The following TIA1 variants were observed in gnomAD, a reference collection of about 807,000 sequenced individuals.
TIA1 encodes cytotoxic granule associated RNA binding protein TIA1.
In TIA1, 23 loss-of-function variants were observed where a neutral mutation model predicts 65.9. The ratio of observed to expected loss-of-function variants is 0.35; its 90% CI spans 0.25 to 0.49. The LOEUF is 0.49. Among genes scored for constraint, TIA1 ranks in the 20% least tolerant of loss-of-function variants. The probability of loss-of-function intolerance (pLI) is 0.98; values close to 1 mark genes in which losing one functional copy is unlikely to be tolerated. For synonymous variants in TIA1, 147 were observed against 149.4 expected (o/e 0.98, Z 0.12); for missense variants, 371 against 477.9 (o/e 0.78, Z 2.09).
chr2:70,216,712 AAAT>A, intron 8 of TIA1, 171 bp downstream of exon 8: 1 of 1,497,834 alleles, frequency 6.7e-7, no homozygotes, highest in East Asian at 2.5e-5. Context: ...TTGACATTAG[AAAT>A]AATATTATTT....
chr2:70,236,771 C>G (rs1004708852), intron 1 of TIA1, among the ~76,000 whole-genome samples: 2 of 152,254 alleles, frequency 1.3e-5, no homozygotes, highest in African/African-American at 4.8e-5. Flanking sequence ...GGACCACAGG[C>G]GTGTGCCATC....
chr2:70,232,220 AAAAAAGAAAAAAG>A (rs1558876616), intron 2 of TIA1, among the ~76,000 whole-genome samples: 10 of 146,824 alleles, frequency 6.8e-5, no homozygotes, highest in Non-Finnish European at 1.2e-4. Flanking sequence ...AAAAAAAAAA[AAAAAAGAAAAAAG>A]AAAAAAGAAA....
upstream of TIA1, chr2:70,248,655 A>G: frequency 1.6e-6 from 1 of 617,144 alleles, no homozygotes; most frequent in African/African-American, 1.8e-5. Context: ...AGCAGCCAGC[A>G]AAGTTACCCG....
In TIA1 at chr2:70,248,407, A is replaced by G. The variant is rs1695471662; in HGVS notation, c.24T>C (p.Thr8=). The G allele has an allele frequency of 2.5e-6, 4 of 1,600,108 alleles. No individual in the cohort carries two copies. Among genetic ancestry groups the G allele is most frequent in the Non-Finnish European group, 3.4e-6 (4 of 1,179,778 alleles). MEDEMPK[T]LYVGNLSRDV... Reference sequence around the variant, plus strand: ...CCTCATCGCTGCCCCAGACTCACAGAGTCTTGGGCATCTCGTCCTCCATGG... The same window carrying G: ...CCTCATCGCTGCCCCAGACTCACAGGGTCTTGGGCATCTCGTCCTCCATGG... The change falls in exon 1 of 13, where the codon ACT becomes ACC. Residue 8 remains threonine, a splice_region_variant and synonymous_variant. Transcript: ENST00000433529.
chr2:70,224,373 C>A, intron 7 of TIA1, 181 bp downstream of exon 7: 1 of 736,092 alleles, frequency 1.4e-6, no homozygotes. Flanking sequence ...CTTATCAGTA[C>A]TCTGCATGCC....
chr2:70,216,394 G>T lies in TIA1; in HGVS notation c.679+10C>A, dbSNP rs777279437. On this transcript the variant is annotated intron_variant, in intron 9 of 12. Transcript: ENST00000433529. Reference sequence around the variant, plus strand: ...TAAAAATTAATGCCACACAGGGAAGGCTCCCATACCTGTTAGCCCAGAAGT... The same window carrying T: ...TAAAAATTAATGCCACACAGGGAAGTCTCCCATACCTGTTAGCCCAGAAGT... 11 of 1,605,272 alleles carry T rather than the reference G, an allele frequency of 6.9e-6. No individual in the cohort carries two copies. The highest frequency in any genetic ancestry group is 1.7e-4 in the Middle Eastern group (1 of 6,054).
rs1676748536 is a variant in TIA1 at position 70,212,551 on chromosome 2, A to C, written c.*168T>G. 1 of 503,722 alleles carries C rather than the reference A, an allele frequency of 2.0e-6. No homozygotes were observed. The highest frequency in any genetic ancestry group is 1.9e-5 in the African/African-American group (1 of 52,328). 31.2% of individuals were successfully genotyped at this position (503,722 alleles called of 1,614,324 possible). The stretch of plus-strand genomic sequence containing the variant: ...GACATCCAGCATCTTGTTTCTTTTT[A>C]AAACAATGTGGATGATAAGTAATTT... On this transcript the variant is annotated 3_prime_UTR_variant, in exon 13 of 13. Transcript: ENST00000433529.
At chr2:70,234,987 T>C (rs1435509891) in intron 2 of TIA1, among the ~76,000 whole-genome samples, 2 of 152,214 alleles carry the variant, frequency 1.3e-5, no homozygotes, top group Non-Finnish European at 1.5e-5. Context: ...TGAAAGTTTA[T>C]AGCAGGCTGG....
In TIA1 at chr2:70,248,556, C is replaced by A. The variant is rs916189579; in HGVS notation, c.-126G>T. On this transcript the variant is annotated 5_prime_UTR_variant, in exon 1 of 13. Coordinates refer to ENST00000433529, the MANE Select transcript of TIA1 (RefSeq NM_022173.4). ...CGGCTGACCAGAGGTTACTCCGCCT[C>A]CTCCTCCGGCGGCAATTACACTAAA... The A allele has an allele frequency of 2.9e-5, 41 of 1,429,026 alleles. No individual in the cohort carries two copies. The highest frequency in any genetic ancestry group is 3.2e-5 in the Non-Finnish European group (33 of 1,040,704). The allele number at this position is 1,429,026 out of a possible 1,614,324, so 88.5% of individuals were successfully genotyped here.
chr2:70,247,117 A>C (rs978542579), intron 1 of TIA1, among the ~76,000 whole-genome samples: 3 of 152,182 alleles, frequency 2.0e-5, no homozygotes, highest in Non-Finnish European at 4.4e-5. Flanking sequence ...TTTTTTAGGG[A>C]GTATTCATCT....
chr2:70,246,322 T>C (rs1371432299), intron 1 of TIA1, among the ~76,000 whole-genome samples: 1 of 152,190 alleles, frequency 6.6e-6, no homozygotes, highest in Non-Finnish European at 1.5e-5. Context: ...CTAAGAACTC[T>C]GCTAAGAACA....
chr2:70,244,834 C>CAAAA (rs70956958), intron 1 of TIA1, among the ~76,000 whole-genome samples: 62 of 53,300 alleles, frequency 1.2e-3, no homozygotes, highest in African/African-American at 2.9e-3. Context: ...GACTCTGTCT[C>CAAAA]AAAAAAAAAA....
intron 1 of TIA1, among the ~76,000 whole-genome samples, chr2:70,237,937 G>A (rs919298470): frequency 6.6e-5 from 10 of 151,980 alleles, no homozygotes; most frequent in East Asian, 3.9e-4. Flanking sequence ...CGAGGTGGGC[G>A]GATCACGAGG....
intron 1 of TIA1, among the ~76,000 whole-genome samples, chr2:70,242,657 C>A (rs945073999): frequency 1.3e-5 from 2 of 152,006 alleles, no homozygotes; most frequent in African/African-American, 4.8e-5. Context: ...TCCCCAACTC[C>A]CCCCTAGGCC....
chr2:70,237,885 G>A (rs1573704263), intron 1 of TIA1, among the ~76,000 whole-genome samples: 1 of 151,750 alleles, frequency 6.6e-6, no homozygotes, highest in Admixed American at 6.6e-5. Flanking sequence ...AAAAAGGCTG[G>A]GTGCGGTGGC....
chr2:70,241,757 T>C (rs947411048), intron 1 of TIA1, among the ~76,000 whole-genome samples: 10 of 152,044 alleles, frequency 6.6e-5, no homozygotes, highest in Admixed American at 4.6e-4. Flanking sequence ...TAGGGCAACA[T>C]AGTGATATGC....
intron 1 of TIA1, among the ~76,000 whole-genome samples, chr2:70,245,362 T>C (rs920892904): frequency 6.6e-6 from 1 of 152,164 alleles, no homozygotes; most frequent in Non-Finnish European, 1.5e-5. Context: ...ACAATAACAG[T>C]ATAGTTATCT....
intron 3 of TIA1, 82 bp downstream of exon 3, chr2:70,230,674 A>T: frequency 9.7e-7 from 1 of 1,035,432 alleles, no homozygotes; most frequent in Non-Finnish European, 1.4e-6. Context: ...AAAAGTGTTT[A>T]ATGTTTCTAA....
In TIA1 at chr2:70,216,301, C is replaced by CA. The variant is rs778392214; in HGVS notation, c.680-10dup. ...CTGACGCATTAGTTGTTCTGTTAGA[C>CA]AAAAAACCAAAACAAACAAATCACA... On this transcript the variant is annotated splice_polypyrimidine_tract_variant and intron_variant, in intron 9 of 12. Coordinates refer to ENST00000433529, the MANE Select transcript of TIA1 (RefSeq NM_022173.4). The CA allele has an allele frequency of 2.7e-5, 42 of 1,583,770 alleles. No homozygotes were observed. Among genetic ancestry groups the CA allele is most frequent in the Admixed American group, 5.9e-5 (3 of 50,698 alleles).
Sources: allele counts gnomAD v4.1 joint callset (sites outside exome capture counted in the v4.1 genomes callset), GRCh38; gene constraint gnomAD v4.1.1; transcripts MANE v1.5; gene names NCBI Gene and HGNC (gene_info 2026-07-23, HGNC 2026-07-21).